Variants in ETV1 observed in about 807,000 individuals in gnomAD.
The protein encoded by ETV1 is ETS translocation variant 1.
In ETV1, 27 loss-of-function variants were observed where a neutral mutation model predicts 62.3. That is an observed-to-expected ratio of 0.43 (90% CI 0.32 to 0.60). ETV1 has a LOEUF of 0.60. ETV1 is among the 20% of genes least tolerant of loss of function. The pLI is 0.06. For synonymous variants in ETV1, 222 were observed against 199.6 expected, an observed-to-expected ratio of 1.11 and a Z score of -0.94; for missense variants, 605 against 605.8, an observed-to-expected ratio of 1.00 and a Z score of 0.01.
intron 9 of ETV1, among the ~76,000 whole-genome samples, chr7:13,930,281 C>G (rs1380324688): frequency 1.3e-5 from 2 of 152,064 alleles, no homozygotes; most frequent in Non-Finnish European, 2.9e-5. Context: ...CTTTTAAAGT[C>G]TCAAGGTTCA....
In ETV1 at chr7:13,931,708, G is replaced by C. The variant is rs1296192613; in HGVS notation, c.596C>G (p.Pro199Arg). Residue 199 changes from proline to arginine, a missense_variant, in exon 9 of 14, where the codon CCT becomes CGT. Pro to Arg is a moderately radical substitution (Grantham distance 103). This residue lies in a region of ETV1 where 426 missense variants were observed against 377.8 expected (regional missense o/e 1.13). Coordinates refer to ENST00000430479, the MANE Select transcript of ETV1 (RefSeq NM_004956.5). ...TCCTTCCCTTGGCATCGTCGGCAAA[G>C]GAGGAAAGGAGTTACAGGGTTCAGA... ...QLSEPCNSFP[P>R]LPTMPREGRP... 6 of 1,614,038 alleles carry C rather than the reference G, an allele frequency of 3.7e-6. No individual in the cohort carries two copies. In the Admixed American group the frequency reaches 8.3e-5, roughly 22 times the overall value.
chr7:13,925,361 A>G (rs988192871), intron 9 of ETV1, among the ~76,000 whole-genome samples: 2 of 152,204 alleles, frequency 1.3e-5, no homozygotes, highest in Non-Finnish European at 2.9e-5. Flanking sequence ...TAATGGTAGC[A>G]TTGCAAGCAC....
In ETV1 at chr7:13,895,809, T is replaced by G. The variant is rs1417628655; in HGVS notation, c.*57A>C. 13 of 1,105,394 alleles carry G rather than the reference T, an allele frequency of 1.2e-5. No individual in the cohort carries two copies. The highest frequency in any genetic ancestry group is 1.8e-5 in the Non-Finnish European group (13 of 738,746). 68.5% of individuals were successfully genotyped at this position (1,105,394 alleles called of 1,614,324 possible). A position where few individuals can be genotyped will look rare whatever the true frequency, so the allele number is the denominator to read the frequency against. ...ATAAAACAAAGATTCAGCAATTCTC[T>G]GTATCTTGCAGAAAAAAGGAAAAGC... On this transcript the variant is annotated 3_prime_UTR_variant, in exon 14 of 14. Transcript: ENST00000430479.
At chr7:13,945,458 A>G in intron 6 of ETV1, among the ~76,000 whole-genome samples, 1 of 150,870 alleles carries the variant, frequency 6.6e-6, no homozygotes, top group East Asian at 2.0e-4. Context: ...TTTTTTTTCT[A>G]ATCATAAGCC....
At chr7:13,950,805 CAG>C (rs1400512163) in intron 6 of ETV1, among the ~76,000 whole-genome samples, 1 of 151,828 alleles carries the variant, frequency 6.6e-6, no homozygotes, top group African/African-American at 2.4e-5. Flanking sequence ...TTCTTTGTTT[CAG>C]AGTGGTTGCA....
intron 6 of ETV1, among the ~76,000 whole-genome samples, chr7:13,969,101 G>T (rs1780608116): frequency 6.6e-6 from 1 of 152,164 alleles, no homozygotes; most frequent in African/African-American, 2.4e-5. Context: ...CTAATGACAA[G>T]AATTCCTACT....
intron 9 of ETV1, 80 bp from the exon 10 acceptor site, chr7:13,911,387 G>T: frequency 1.1e-6 from 1 of 919,150 alleles, no homozygotes; most frequent in Non-Finnish European, 1.8e-6. Flanking sequence ...TGCAGACAGA[G>T]AAGATACAGA....
At position 13,899,434 on chromosome 7, in the gene ETV1, G is replaced by A. The variant is rs532996599; in HGVS notation, c.1212+1304C>T. 1.0e-3 allele frequency among the ~76,000 whole-genome samples: 158 copies of A among 152,264 alleles called. 1 individual carries two copies. Among genetic ancestry groups the A allele is most frequent in the Non-Finnish European group, 9.4e-4 (64 of 68,028 alleles). On this transcript the variant is annotated intron_variant, in intron 13 of 13. Coordinates refer to ENST00000430479, the MANE Select transcript of ETV1 (RefSeq NM_004956.5). ...CTAACGTCTGAGCCAGCAAATTCTA[G>A]GGCACTGAGATAATATGCCTCTTGT...
At chr7:13,984,170 T>C (rs1264575253) in intron 5 of ETV1, among the ~76,000 whole-genome samples, 1 of 152,018 alleles carries the variant, frequency 6.6e-6, no homozygotes, top group African/African-American at 2.4e-5. Context: ...CCCAGTGGAA[T>C]TCTAACTCAT....
At chr7:13,941,066 A>T (rs371120679) in intron 6 of ETV1, among the ~76,000 whole-genome samples, 2 of 152,306 alleles carry the variant, frequency 1.3e-5, no homozygotes, top group African/African-American at 4.8e-5. Context: ...AGTAAAGAGA[A>T]AAGAAAAAAG....
At chr7:13,936,412 A>G (rs931741444) in intron 7 of ETV1, among the ~76,000 whole-genome samples, 1 of 152,184 alleles carries the variant, frequency 6.6e-6, no homozygotes, top group Non-Finnish European at 1.5e-5. Context: ...TCATTTTATT[A>G]TATTAAATAA....
chr7:13,926,561 T>C (rs1223548347), intron 9 of ETV1, among the ~76,000 whole-genome samples: 1 of 152,138 alleles, frequency 6.6e-6, no homozygotes, highest in East Asian at 1.9e-4. Context: ...GATGAAGCAC[T>C]CAATGTGTAT....
intron 13 of ETV1, 82 bp from the exon 14 acceptor site, chr7:13,896,169 G>A: frequency 8.6e-7 from 1 of 1,163,302 alleles, no homozygotes; most frequent in South Asian, 1.4e-5. Context: ...CAAAAACGTG[G>A]TTTAATATAC....
chr7:13,989,177 A>AAG, intron 2 of ETV1, 38 bp from the exon 3 acceptor site: 1 of 756,404 alleles, frequency 1.3e-6, no homozygotes, highest in East Asian at 2.8e-5. Flanking sequence ...CTTAAAAAAA[A>AAG]ATCATGAATG....
At chr7:13,896,190 G>C in intron 13 of ETV1, 103 bp from the exon 14 acceptor site, 3 of 824,418 alleles carry the variant, frequency 3.6e-6, no homozygotes, top group Non-Finnish European at 5.7e-6. Context: ...AGGAAAGGAT[G>C]GGTAACTCTG....
At chr7:13,930,268 A>T (rs1785931397) in intron 9 of ETV1, among the ~76,000 whole-genome samples, 1 of 152,188 alleles carries the variant, frequency 6.6e-6, no homozygotes, top group African/African-American at 2.4e-5. Flanking sequence ...GGGTTAAGTA[A>T]TTCTTTTAAA....
At chr7:13,987,885 C>A (rs2128515978) in intron 4 of ETV1, among the ~76,000 whole-genome samples, 1 of 152,288 alleles carries the variant, frequency 6.6e-6, no homozygotes, top group East Asian at 1.9e-4. Context: ...TTCCTTCTTT[C>A]ATTACTTTGT....
chr7:13,968,622 G>T (rs1272033781), intron 6 of ETV1, among the ~76,000 whole-genome samples: 1 of 151,698 alleles, frequency 6.6e-6, no homozygotes, highest in Non-Finnish European at 1.5e-5. Flanking sequence ...AAGGGAAAGT[G>T]TCCTTCATAG....
intron 6 of ETV1, among the ~76,000 whole-genome samples, chr7:13,941,849 T>G (rs903708921): frequency 8.6e-5 from 13 of 150,390 alleles, no homozygotes; most frequent in Non-Finnish European, 3.0e-5. Flanking sequence ...GGTGACAGAG[T>G]GAGATTCTGC....
Sources: allele counts gnomAD v4.1 joint callset (sites outside exome capture counted in the v4.1 genomes callset), GRCh38; gene constraint gnomAD v4.1.1; regional missense constraint gnomAD v4.1.1; transcripts MANE v1.5; gene names NCBI Gene and HGNC (gene_info 2026-07-23, HGNC 2026-07-21).